SLCO5A1: variants seen among roughly 807,000 people sequenced by gnomAD.
SLCO5A1 encodes solute carrier organic anion transporter family member 5A1.
In SLCO5A1, 39 loss-of-function variants were observed where a neutral mutation model predicts 65.1. The observed-to-expected ratio is 0.60, with a 90% CI of 0.46 to 0.78. The LOEUF (loss-of-function observed/expected upper bound fraction) is 0.78, where lower values mean the gene tolerates loss of function less well. SLCO5A1 is among the 30% of genes least tolerant of loss of function. SLCO5A1 has a pLI of 0.00. For missense variants in SLCO5A1, 1,029 were observed against 1,069.4 expected (o/e 0.96, Z 0.53); for synonymous variants, 438 against 415.7 (o/e 1.05, Z -0.65).
intron 4 of SLCO5A1, among the ~76,000 whole-genome samples, chr8:69,749,334 T>C (rs1817174365): frequency 6.6e-6 from 1 of 152,056 alleles, no homozygotes; most frequent in African/African-American, 2.4e-5. Flanking sequence ...AAATGACCTG[T>C]TTCACCGGGC....
intron 2 of SLCO5A1, among the ~76,000 whole-genome samples, chr8:69,802,238 C>A (rs890878994): frequency 6.6e-6 from 1 of 152,170 alleles, no homozygotes; most frequent in Non-Finnish European, 1.5e-5. Context: ...CACAGTGGCT[C>A]ATACCTGTAA....
In SLCO5A1 at chr8:69,824,078, C is replaced by A. The variant is rs983632620; in HGVS notation, c.907+7689G>T. ...AAATAAAGATGTTCTTTGAAACCAACGAGAACAAAGACACAACATACCAGA... is the reference window on the plus strand; with the variant it reads ...AAATAAAGATGTTCTTTGAAACCAAAGAGAACAAAGACACAACATACCAGA... On this transcript the variant is annotated intron_variant, in intron 2 of 9. Coordinates refer to ENST00000260126, the MANE Select transcript of SLCO5A1 (RefSeq NM_030958.3). 9.9e-5 allele frequency among the ~76,000 whole-genome samples: 15 copies of A among 152,026 alleles called. No homozygotes were observed. In the East Asian group the frequency reaches 2.9e-3, roughly 29 times the overall value.
chr8:69,699,260 C>T (rs1443853944), intron 6 of SLCO5A1, among the ~76,000 whole-genome samples: 1 of 152,136 alleles, frequency 6.6e-6, no homozygotes, highest in Non-Finnish European at 1.5e-5. Context: ...AGGAGAAGTT[C>T]GGTGAGATGC....
Position 69,679,582 on chromosome 8 carries a change from C to T in SLCO5A1, c.1820G>A (p.Arg607His), listed in dbSNP as rs151145765. 317 of 1,614,150 alleles carry T rather than the reference C, an allele frequency of 2.0e-4. 2 individuals are homozygous for T. In the African/African-American group the frequency reaches 3.9e-3, roughly 20 times the overall value. Reference sequence around the variant, plus strand: ...CACGGTGGGTGGAGTGATCACTTGGCGACTTTGGACACAGGTGCATTCTGT... The same window carrying T: ...CACGGTGGGTGGAGTGATCACTTGGTGACTTTGGACACAGGTGCATTCTGT... Reference protein sequence around the residue: ...NYTECTCVQSRQVITPPTVGQ... With the variant: ...NYTECTCVQSHQVITPPTVGQ... Residue 607 changes from arginine to histidine, a missense_variant, in exon 8 of 10, where the codon CGC (arginine) becomes CAC (histidine). This residue lies in a region of SLCO5A1 where 124 missense variants were observed against 184.5 expected (regional missense o/e 0.67). Coordinates refer to ENST00000260126, the MANE Select transcript of SLCO5A1 (RefSeq NM_030958.3).
intron 2 of SLCO5A1, among the ~76,000 whole-genome samples, chr8:69,828,734 T>G (rs546949187): frequency 6.6e-6 from 1 of 152,298 alleles, no homozygotes; most frequent in Non-Finnish European, 1.5e-5. Context: ...TAAAAACACC[T>G]CAAATGCTGG....
In SLCO5A1 at chr8:69,671,883, C is replaced by T. The variant is rs945312490; in HGVS notation, c.*986G>A. 1.3e-5 allele frequency: 2 copies of T among 152,044 alleles called. No individual in the cohort carries two copies. The highest frequency in any genetic ancestry group is 1.5e-5 in the Non-Finnish European group (1 of 67,994). The allele number at this position is 152,044 out of a possible 1,614,324, so 9.4% of individuals were successfully genotyped here. A position where few individuals can be genotyped will look rare whatever the true frequency, so the allele number is the denominator to read the frequency against. The stretch of plus-strand genomic sequence containing the variant: ...AGGAGCAACCACAGCAATTTTCTGT[C>T]CAGAAAAAAAGAAAACCACACAGAT... On this transcript the variant is annotated 3_prime_UTR_variant, in exon 10 of 10. Coordinates refer to ENST00000260126, the MANE Select transcript of SLCO5A1 (RefSeq NM_030958.3).
intron 6 of SLCO5A1, among the ~76,000 whole-genome samples, chr8:69,695,734 A>G (rs1163415302): frequency 6.6e-6 from 1 of 152,144 alleles, no homozygotes; most frequent in African/African-American, 2.4e-5. Context: ...ATTTTTTTGC[A>G]AGGTCACACA....
At chr8:69,800,173 G>A (rs372785912) in intron 2 of SLCO5A1, among the ~76,000 whole-genome samples, 117 of 150,602 alleles carry the variant, frequency 7.8e-4, no homozygotes, top group African/African-American at 2.7e-3. Context: ...GGATGTAAAG[G>A]TGAACATTCC....
In SLCO5A1 at chr8:69,668,833, T is replaced by C. The variant is rs968490443; in HGVS notation, c.*4036A>G. 3 of 152,112 alleles carry C rather than the reference T, an allele frequency of 2.0e-5. No individual in the cohort carries two copies. The highest frequency in any genetic ancestry group is 7.2e-5 in the African/African-American group (3 of 41,412). The allele number at this position is 152,112 out of a possible 1,614,324, so 9.4% of individuals were successfully genotyped here. ...CTGAAGGCTGACATTTCCAAGTGCA[T>C]GCCACTAAAGGTAACAATGTCACAG... is the stretch of plus-strand genomic sequence containing the variant. On this transcript the variant is annotated 3_prime_UTR_variant, in exon 10 of 10. Coordinates refer to ENST00000260126, the MANE Select transcript of SLCO5A1 (RefSeq NM_030958.3).
chr8:69,794,729 A>G, intron 2 of SLCO5A1: 1 of 253,168 alleles, frequency 3.9e-6, no homozygotes. Flanking sequence ...ATATTAGTTC[A>G]TTCTTGCACT....
intron 2 of SLCO5A1, among the ~76,000 whole-genome samples, chr8:69,784,811 A>AAGAAAAAGAAAGAAAGAAAAAGAAAG (rs1554620797): frequency 2.8e-5 from 2 of 70,930 alleles, no homozygotes; most frequent in African/African-American, 1.6e-4. Context: ...GAAAGAAAGA[A>AAGAAAAAGAAAGAAAGAAAAAGAAAG]AAAGAAAGAA....
chr8:69,777,030 T>C (rs183776383), intron 2 of SLCO5A1, among the ~76,000 whole-genome samples: 1 of 152,196 alleles, frequency 6.6e-6, no homozygotes, highest in East Asian at 1.9e-4. Context: ...AACATATACA[T>C]ATCACTTGAT....
intron 4 of SLCO5A1, among the ~76,000 whole-genome samples, chr8:69,747,610 T>C (rs1329743920): frequency 1.3e-5 from 2 of 152,208 alleles, no homozygotes; most frequent in Non-Finnish European, 2.9e-5. Context: ...TACTGCACCA[T>C]TTTTATATCA....
At chr8:69,717,023 T>C (rs1815577874) in intron 5 of SLCO5A1, among the ~76,000 whole-genome samples, 1 of 152,178 alleles carries the variant, frequency 6.6e-6, no homozygotes, top group Admixed American at 6.5e-5. Context: ...CAAGCAACCC[T>C]CCTGTCTTGG....
rs1178874718 is a variant in SLCO5A1 at position 69,739,186 on chromosome 8, C to G, written c.1259-982G>C. On this transcript the variant is annotated intron_variant, in intron 4 of 9. Coordinates refer to ENST00000260126, the MANE Select transcript of SLCO5A1 (RefSeq NM_030958.3). ...TAATTCTATTTAATTAAAAATCAAACAAACCAAAACAATGTATTTTATATG... is the reference window on the plus strand; with the variant it reads ...TAATTCTATTTAATTAAAAATCAAAGAAACCAAAACAATGTATTTTATATG... Among the ~76,000 whole-genome samples the G allele has an allele frequency of 3.3e-5, 5 of 152,270 alleles. No homozygotes were observed. In the South Asian group the frequency reaches 8.3e-4, roughly 25 times the overall value.
At chr8:69,723,732 A>G (rs1206912215) in intron 5 of SLCO5A1, among the ~76,000 whole-genome samples, 1 of 151,882 alleles carries the variant, frequency 6.6e-6, no homozygotes, top group Non-Finnish European at 1.5e-5. Flanking sequence ...TCCCCAAGAA[A>G]TAGGATAGGT....
Position 69,692,763 on chromosome 8 carries a change from G to A in SLCO5A1, c.1623-10420C>T, listed in dbSNP as rs1437559680. Among the ~76,000 whole-genome samples, 5 of 151,988 alleles carry A rather than the reference G, an allele frequency of 3.3e-5. No homozygotes were observed. In the East Asian group the frequency reaches 7.7e-4, roughly 23 times the overall value. On this transcript the variant is annotated intron_variant, in intron 6 of 9. Coordinates refer to ENST00000260126, the MANE Select transcript of SLCO5A1 (RefSeq NM_030958.3). ...CCATATCTTGTCTCAAGATCTTCAC[G>A]GACCATAACATGCATGGAGCTGTCA...
At chr8:69,685,307 T>G (rs1183273732) in intron 6 of SLCO5A1, among the ~76,000 whole-genome samples, 1 of 152,164 alleles carries the variant, frequency 6.6e-6, no homozygotes, top group African/African-American at 2.4e-5. Context: ...AGCACAAATG[T>G]TTAAACCTGA....
At chr8:69,783,715 T>A (rs1818901359) in intron 2 of SLCO5A1, among the ~76,000 whole-genome samples, 1 of 152,112 alleles carries the variant, frequency 6.6e-6, no homozygotes, top group South Asian at 2.1e-4. Flanking sequence ...TTTGGTGAAG[T>A]TATACTTTTA....
Sources: gnomAD v4.1 joint callset for allele counts (sites outside exome capture counted in the v4.1 genomes callset) on GRCh38, gnomAD v4.1.1 for gene constraint, gnomAD v4.1.1 regional missense constraint, MANE v1.5 for transcripts, NCBI Gene and HGNC (gene_info 2026-07-23, HGNC 2026-07-21) for gene names.